Variants in CCDC30 observed in about 807,000 individuals in gnomAD.
CCDC30 encodes coiled-coil domain containing 30.
A neutral mutation model predicts 100.2 loss-of-function variants in CCDC30; 70 were observed. The observed-to-expected ratio is 0.70, with a 90% CI of 0.58 to 0.85. The LOEUF (loss-of-function observed/expected upper bound fraction) is 0.85. Among genes scored for constraint, CCDC30 ranks in the 40% least tolerant of loss-of-function variants. CCDC30 has a pLI of 0.00. For synonymous variants in CCDC30, 233 were observed against 269.5 expected (o/e 0.86, Z 1.33); for missense variants, 652 against 771.2 (o/e 0.85, Z 1.83).
chr1:42,606,083 C>G (rs1646496399), intron 10 of CCDC30, among the ~76,000 whole-genome samples: 1 of 152,122 alleles, frequency 6.6e-6, no homozygotes, highest in South Asian at 2.1e-4. Flanking sequence ...ATACCTAACT[C>G]TATTATAAAG....
chr1:42,616,261 C>T (rs1646725462), intron 11 of CCDC30, among the ~76,000 whole-genome samples: 1 of 152,166 alleles, frequency 6.6e-6, no homozygotes, highest in Non-Finnish European at 1.5e-5. Context: ...TGTTTTTCCA[C>T]ATTATTTGTA....
At chr1:42,463,945 C>G (rs1046130557) in intron 1 of CCDC30, 47 bp downstream of exon 1, 1 of 152,240 alleles carries the variant, frequency 6.6e-6, no homozygotes, top group African/African-American at 2.4e-5. Flanking sequence ...CCACTTCTCT[C>G]ATCACTCCAA....
chr1:42,532,009 TG>T (rs1389148105), intron 6 of CCDC30, among the ~76,000 whole-genome samples: 2 of 152,120 alleles, frequency 1.3e-5, no homozygotes, highest in Admixed American at 1.3e-4. Context: ...ACCTATGTTT[TG>T]GCCGGGTGCA....
chr1:42,498,595 G>A (rs932315855), intron 5 of CCDC30, among the ~76,000 whole-genome samples: 12 of 152,160 alleles, frequency 7.9e-5, no homozygotes, highest in African/African-American at 2.6e-4. Context: ...GTGTGTATAC[G>A]TGAAAAAGTT....
chr1:42,470,193 T>A (rs16829576), intron 1 of CCDC30, among the ~76,000 whole-genome samples: 30,483 of 152,022 alleles, frequency 0.2, 3,334 homozygotes, highest in South Asian at 0.42. Context: ...TCTGGTAGTT[T>A]GAGAGAGGAT....
intron 6 of CCDC30, among the ~76,000 whole-genome samples, chr1:42,536,203 TAA>T (rs111836117): frequency 1.3e-5 from 2 of 152,162 alleles, no homozygotes; most frequent in South Asian, 2.1e-4. Flanking sequence ...TTATATTTGA[TAA>T]GTGATTAAAT....
At chr1:42,524,081 G>A (rs1379528108) in intron 6 of CCDC30, among the ~76,000 whole-genome samples, 1 of 150,384 alleles carries the variant, frequency 6.6e-6, no homozygotes, top group Non-Finnish European at 1.5e-5. Flanking sequence ...CTTTTTCAGG[G>A]ACAGTTTCTG....
intron 6 of CCDC30, among the ~76,000 whole-genome samples, chr1:42,565,926 C>T (rs907427264): frequency 2.0e-5 from 3 of 151,964 alleles, no homozygotes; most frequent in African/African-American, 7.3e-5. Context: ...GACACACACA[C>T]ACACACACAC....
At chr1:42,517,275 A>T (rs1189389002) in intron 6 of CCDC30, among the ~76,000 whole-genome samples, 2 of 152,064 alleles carry the variant, frequency 1.3e-5, no homozygotes, top group African/African-American at 2.4e-5. Context: ...TAGAGATGGG[A>T]TCTTGTTGTG....
At chr1:42,609,415 A>C (rs1646572614) in intron 10 of CCDC30, among the ~76,000 whole-genome samples, 1 of 152,178 alleles carries the variant, frequency 6.6e-6, no homozygotes, top group Non-Finnish European at 1.5e-5. Flanking sequence ...GCTATTAGTA[A>C]TTTGGTGGGG....
At chr1:42,492,157 A>G (rs1644153994) in intron 4 of CCDC30, 1 of 250,854 alleles carries the variant, frequency 4.0e-6, no homozygotes, top group Non-Finnish European at 7.8e-6. Context: ...TGATTTTACT[A>G]AAAAACACAA....
At chr1:42,540,138 A>G (rs989074959) in intron 6 of CCDC30, among the ~76,000 whole-genome samples, 9 of 152,362 alleles carry the variant, frequency 5.9e-5, no homozygotes, top group Non-Finnish European at 1.0e-4. Flanking sequence ...ATATTAGGCT[A>G]TATTTTAACA....
intron 9 of CCDC30, among the ~76,000 whole-genome samples, chr1:42,581,913 A>G (rs1019013280): frequency 2.0e-5 from 3 of 152,104 alleles, no homozygotes; most frequent in African/African-American, 7.2e-5. Flanking sequence ...GAAAAATTGA[A>G]TTGAAAGATA....
At chr1:42,519,718 A>AT (rs1004496998) in intron 6 of CCDC30, among the ~76,000 whole-genome samples, 5 of 150,670 alleles carry the variant, frequency 3.3e-5, no homozygotes, top group South Asian at 2.1e-4. Flanking sequence ...TGCCTGGCTA[A>AT]TTTTTTTTGT....
At chr1:42,564,117 A>G (rs4660646) in intron 6 of CCDC30, among the ~76,000 whole-genome samples, 19,689 of 152,212 alleles carry the variant, frequency 0.13, 1,461 homozygotes, top group East Asian at 0.17. Context: ...ACAGGAGCAT[A>G]CTGGACCAGG....
intron 6 of CCDC30, among the ~76,000 whole-genome samples, chr1:42,552,783 G>T (rs1190579933): frequency 6.6e-6 from 1 of 152,090 alleles, no homozygotes. Flanking sequence ...CAGGTGGGTG[G>T]GGGTGGCTTA....
chr1:42,563,100 C>T (rs943700230), intron 6 of CCDC30, among the ~76,000 whole-genome samples: 1 of 152,154 alleles, frequency 6.6e-6, no homozygotes, highest in African/African-American at 2.4e-5. Flanking sequence ...AATCCCATTA[C>T]TGGGTATATA....
intron 10 of CCDC30, among the ~76,000 whole-genome samples, chr1:42,602,540 A>T (rs1646425111): frequency 6.6e-6 from 1 of 152,228 alleles, no homozygotes; most frequent in Admixed American, 6.5e-5. Flanking sequence ...CACAAATGTG[A>T]TAACCTAAAT....
intron 5 of CCDC30, among the ~76,000 whole-genome samples, chr1:42,498,273 C>T (rs1644257954): frequency 6.6e-6 from 1 of 152,070 alleles, no homozygotes; most frequent in Admixed American, 6.5e-5. Context: ...TTGCCAGTGG[C>T]TGGGGAGAGG....
Sources: allele counts gnomAD v4.1 joint callset (sites outside exome capture counted in the v4.1 genomes callset), GRCh38; gene constraint gnomAD v4.1.1; transcripts MANE v1.5; gene names NCBI Gene and HGNC (gene_info 2026-07-23, HGNC 2026-07-21).